Variants in SETBP1 observed in about 807,000 individuals in gnomAD.
SETBP1 encodes the protein SET-binding protein.
Under a neutral mutation model 101.0 loss-of-function variants are expected in SETBP1, and 9 were observed. The ratio of observed to expected loss-of-function variants is 0.09; its 90% CI spans 0.05 to 0.16. The LOEUF is 0.16. SETBP1 is among the 10% of genes least tolerant of loss of function. SETBP1 has a pLI of 1.00. For synonymous variants in SETBP1, 818 were observed against 788.5 expected (o/e 1.04, Z -0.63); for missense variants, 1,858 against 2,033.8 (o/e 0.91, Z 1.66).
chr18:44,950,088 A>G lies in SETBP1; in HGVS notation c.748A>G (p.Lys250Glu). 1 of 1,614,192 alleles carries G rather than the reference A, an allele frequency of 6.2e-7. No homozygotes were observed. The highest frequency in any genetic ancestry group is 8.5e-7 in the Non-Finnish European group (1 of 1,180,042). ...TGGCAGAGAAACTGCAAGCACCAGC[A>G]AGATCCCCGCTCTTGAGCCCGTGGC... ...ESGRETASTS[K>E]IPALEPVASF... is the part of the protein sequence containing the mutation. Residue 250 changes from lysine to glutamate, a missense_variant, in exon 4 of 6, where the codon AAG becomes GAG. This residue lies in a region of SETBP1 where 581 missense variants were observed against 535.1 expected (regional missense o/e 1.09). Coordinates refer to ENST00000649279, the MANE Select transcript of SETBP1 (RefSeq NM_015559.3).
chr18:45,042,626 G>A (rs962374800), intron 5 of SETBP1, among the ~76,000 whole-genome samples: 1 of 152,158 alleles, frequency 6.6e-6, no homozygotes. Flanking sequence ...TGAGTCAGGG[G>A]TTTACAAATA....
At position 44,847,729 on chromosome 18, in the gene SETBP1, C is replaced by A. The variant is rs530454768; in HGVS notation, c.487-21501C>A. 2.6e-5 allele frequency among the ~76,000 whole-genome samples: 4 copies of A among 152,190 alleles called. No homozygotes were observed. The South Asian group carries it at 8.3e-4, about 32-fold the overall frequency. On this transcript the variant is annotated intron_variant, in intron 2 of 5. Coordinates refer to ENST00000649279, the MANE Select transcript of SETBP1 (RefSeq NM_015559.3). ...ACTGGGGTAGGAGAAGGGAGATACA[C>A]AATAATTGAGTAACAAATATAGAAT...
chr18:45,013,376 C>T (rs1165804494), intron 4 of SETBP1, among the ~76,000 whole-genome samples: 1 of 152,186 alleles, frequency 6.6e-6, no homozygotes, highest in Non-Finnish European at 1.5e-5. Context: ...TAGACACAGA[C>T]ACAGACCATT....
At chr18:44,747,688 G>A (rs1407263506) in intron 2 of SETBP1, among the ~76,000 whole-genome samples, 1 of 152,242 alleles carries the variant, frequency 6.6e-6, no homozygotes, top group African/African-American at 2.4e-5. Context: ...CAGTTATTCA[G>A]AATGTTAAGA....
intron 5 of SETBP1, among the ~76,000 whole-genome samples, chr18:45,042,130 C>T (rs1049938727): frequency 6.8e-6 from 1 of 146,500 alleles, no homozygotes; most frequent in African/African-American, 2.5e-5. Flanking sequence ...GAAAAACATA[C>T]TCAATCTTGA....
chr18:44,866,520 G>A (rs550425118), intron 2 of SETBP1, among the ~76,000 whole-genome samples: 6 of 152,282 alleles, frequency 3.9e-5, no homozygotes, highest in Middle Eastern at 6.8e-3. Context: ...AGAAGCCATC[G>A]TCTTTTTAGA....
intron 2 of SETBP1, among the ~76,000 whole-genome samples, chr18:44,814,282 C>G (rs916454628): frequency 8.5e-5 from 13 of 152,132 alleles, no homozygotes; most frequent in Non-Finnish European, 1.9e-4. Context: ...AAAACTTGCA[C>G]TAGATGCAAG....
intron 4 of SETBP1, among the ~76,000 whole-genome samples, chr18:44,996,645 A>G (rs1156470911): frequency 6.6e-6 from 1 of 152,248 alleles, no homozygotes; most frequent in Non-Finnish European, 1.5e-5. Flanking sequence ...GTGCTTCCAC[A>G]TACTCTGGGG....
At chr18:45,043,285 A>C (rs1169521404) in intron 5 of SETBP1, among the ~76,000 whole-genome samples, 2 of 152,166 alleles carry the variant, frequency 1.3e-5, no homozygotes, top group Non-Finnish European at 2.9e-5. Context: ...CAAGGCAACA[A>C]AATCTGTATG....
At chr18:44,849,639 G>A (rs541603388) in intron 2 of SETBP1, among the ~76,000 whole-genome samples, 1 of 149,830 alleles carries the variant, frequency 6.7e-6, no homozygotes, top group African/African-American at 2.5e-5. Flanking sequence ...AGTGATGAAG[G>A]CCATGGGGAA....
chr18:44,975,622 A>T (rs1356160297), intron 4 of SETBP1, among the ~76,000 whole-genome samples: 1 of 152,224 alleles, frequency 6.6e-6, no homozygotes, highest in Non-Finnish European at 1.5e-5. Context: ...GAGTTTGATT[A>T]TCAGAATATT....
chr18:45,020,260 A>G (rs948101257), intron 4 of SETBP1, among the ~76,000 whole-genome samples: 18 of 46,804 alleles, frequency 3.8e-4, no homozygotes, highest in African/African-American at 2.4e-3. Flanking sequence ...CTCTGTCTTA[A>G]AAAAAAAAAA....
intron 3 of SETBP1, among the ~76,000 whole-genome samples, chr18:44,903,941 A>G (rs772897891): frequency 6.6e-6 from 1 of 152,146 alleles, no homozygotes; most frequent in African/African-American, 2.4e-5. Flanking sequence ...ATTTTTCCTT[A>G]TATATAGCTT....
At chr18:44,973,601 G>A (rs561425684) in intron 4 of SETBP1, among the ~76,000 whole-genome samples, 30 of 152,264 alleles carry the variant, frequency 2.0e-4, no homozygotes, top group Non-Finnish European at 3.1e-4. Context: ...CTTCCTGGAC[G>A]GCTAGAAAAG....
At chr18:44,826,950 A>C (rs2072252303) in intron 2 of SETBP1, among the ~76,000 whole-genome samples, 1 of 152,194 alleles carries the variant, frequency 6.6e-6, no homozygotes, top group Admixed American at 6.5e-5. Flanking sequence ...GAGGGAAACT[A>C]CAGTTTCTTG....
intron 2 of SETBP1, among the ~76,000 whole-genome samples, chr18:44,704,040 T>G (rs931869336): frequency 6.6e-6 from 1 of 152,240 alleles, no homozygotes; most frequent in Non-Finnish European, 1.5e-5. Context: ...CCCACAGTTT[T>G]GGGAGTTCAA....
chr18:44,744,079 C>T (rs756915411), intron 2 of SETBP1, among the ~76,000 whole-genome samples: 1 of 152,196 alleles, frequency 6.6e-6, no homozygotes, highest in Non-Finnish European at 1.5e-5. Flanking sequence ...CTGCTACACC[C>T]CTGAACATTT....
intron 1 of SETBP1, among the ~76,000 whole-genome samples, chr18:44,683,496 C>T (rs751440056): frequency 6.6e-6 from 1 of 152,182 alleles, no homozygotes; most frequent in Non-Finnish European, 1.5e-5. Flanking sequence ...CTCCTGTTAA[C>T]TTTGAATTCC....
rs2073948762 is a variant in SETBP1 at position 45,065,006 on chromosome 18, A to C, written c.*1308A>C. ...AATTGTGGTTGCCTTAATAAACTAA[A>C]ACATTATTGTACATAATGTAATTAT... On this transcript the variant is annotated 3_prime_UTR_variant, in exon 6 of 6. Transcript: ENST00000649279. The C allele has an allele frequency of 6.6e-6, 1 of 152,208 alleles. No homozygotes were observed. The highest frequency in any genetic ancestry group is 6.5e-5 in the Admixed American group (1 of 15,284). The allele number at this position is 152,208 out of a possible 1,614,324, so 9.4% of individuals were successfully genotyped here.
Sources: gnomAD v4.1 joint callset for allele counts (sites outside exome capture counted in the v4.1 genomes callset) on GRCh38, gnomAD v4.1.1 for gene constraint, gnomAD v4.1.1 regional missense constraint, MANE v1.5 for transcripts, NCBI Gene and HGNC (gene_info 2026-07-23, HGNC 2026-07-21) for gene names.